CDK6: variants seen among roughly 807,000 people sequenced by gnomAD.
The protein encoded by CDK6 is cyclin-dependent kinase 6.
Under a neutral mutation model 37.1 loss-of-function variants are expected in CDK6, and 6 were observed. The observed-to-expected ratio is 0.16, with a 90% CI of 0.09 to 0.32. The LOEUF (loss-of-function observed/expected upper bound fraction) is 0.32, where lower values mean the gene tolerates loss of function less well. CDK6 is among the 10% of genes least tolerant of loss of function. The probability of loss-of-function intolerance (pLI) is 1.00; values close to 1 mark genes in which losing one functional copy is unlikely to be tolerated. For synonymous variants in CDK6, 160 were observed against 161.3 expected (o/e 0.99, Z 0.06); for missense variants, 224 against 418.9 (o/e 0.53, Z 4.06).
intron 6 of CDK6, 24 bp from the exon 7 acceptor site, chr7:92,618,231 A>G (rs1322415028): frequency 2.5e-6 from 4 of 1,612,712 alleles, no homozygotes; most frequent in African/African-American, 2.7e-5. Context: ...ACACATGGAC[A>G]TAAGCATTAG....
At chr7:92,823,501 G>C (rs1801230242) in intron 2 of CDK6, among the ~76,000 whole-genome samples, 2 of 147,246 alleles carry the variant, frequency 1.4e-5, no homozygotes, top group Non-Finnish European at 3.0e-5. Context: ...GTTCTCCCAG[G>C]TCAAGGGAAC....
intron 5 of CDK6, among the ~76,000 whole-genome samples, chr7:92,664,257 G>A (rs1371022179): frequency 6.6e-6 from 1 of 152,040 alleles, no homozygotes; most frequent in Non-Finnish European, 1.5e-5. Flanking sequence ...AAATCTGAAA[G>A]TCTAAAGTGC....
At chr7:92,684,260 GTCTTT>G (rs1797400666) in intron 4 of CDK6, among the ~76,000 whole-genome samples, 1 of 152,122 alleles carries the variant, frequency 6.6e-6, no homozygotes, top group Non-Finnish European at 1.5e-5. Flanking sequence ...ATGACCTCAG[GTCTTT>G]TCTTTTTTGG....
At chr7:92,616,613 C>T (rs42040) in intron 7 of CDK6, among the ~76,000 whole-genome samples, 28,809 of 152,134 alleles carry the variant, frequency 0.19, 3,214 homozygotes, top group Middle Eastern at 0.28. Flanking sequence ...GGGCAAAATT[C>T]CTGAGCCTGA....
At chr7:92,786,653 ATAT>A (rs1800141076) in intron 2 of CDK6, among the ~76,000 whole-genome samples, 1 of 148,834 alleles carries the variant, frequency 6.7e-6, no homozygotes, top group Admixed American at 6.7e-5. Flanking sequence ...ATATATATAT[ATAT>A]AAATAATCTG....
intron 6 of CDK6, among the ~76,000 whole-genome samples, chr7:92,621,480 GA>G (rs1432301946): frequency 1.3e-5 from 2 of 152,212 alleles, no homozygotes; most frequent in African/African-American, 2.4e-5. Flanking sequence ...ATCAGTGCTG[GA>G]GGTAGACACA....
intron 5 of CDK6, among the ~76,000 whole-genome samples, chr7:92,634,863 T>C (rs1044898724): frequency 6.6e-6 from 1 of 152,170 alleles, no homozygotes; most frequent in East Asian, 1.9e-4. Context: ...TGATCCTGAC[T>C]GTTCTCCTAA....
chr7:92,721,888 C>T (rs1433478950), intron 4 of CDK6, among the ~76,000 whole-genome samples: 1 of 152,146 alleles, frequency 6.6e-6, no homozygotes, highest in Non-Finnish European at 1.5e-5. Context: ...AAGGGTTATA[C>T]CTTAAGATGC....
chr7:92,805,550 T>C (rs1472370014), intron 2 of CDK6, among the ~76,000 whole-genome samples: 1 of 152,116 alleles, frequency 6.6e-6, no homozygotes, highest in Non-Finnish European at 1.5e-5. Flanking sequence ...TGATGTGCTA[T>C]AGTTGAAATT....
At chr7:92,619,374 GGAT>G (rs1406845914) in intron 6 of CDK6, among the ~76,000 whole-genome samples, 3 of 152,068 alleles carry the variant, frequency 2.0e-5, no homozygotes, top group African/African-American at 7.2e-5. Flanking sequence ...GAAAATCAGA[GGAT>G]GCAGGGACTT....
intron 2 of CDK6, among the ~76,000 whole-genome samples, chr7:92,780,482 T>C (rs765532584): frequency 3.3e-5 from 5 of 150,894 alleles, no homozygotes; most frequent in Non-Finnish European, 5.9e-5. Flanking sequence ...GAAAATAGGC[T>C]GGGCGCGGTG....
At chr7:92,733,157 C>T (rs1798693194) in intron 3 of CDK6, among the ~76,000 whole-genome samples, 1 of 152,136 alleles carries the variant, frequency 6.6e-6, no homozygotes, top group Non-Finnish European at 1.5e-5. Flanking sequence ...AGGTACAGAC[C>T]CAATGGGGCC....
rs3731304 is a variant in CDK6 at position 92,774,346 on chromosome 7, C to A, written c.369+350G>T. Among the ~76,000 whole-genome samples, 914 of 152,224 alleles carry A rather than the reference C, an allele frequency of 6.0e-3. 7 individuals are homozygous for A. Among genetic ancestry groups the A allele is most frequent in the African/African-American group, 0.021 (856 of 41,540 alleles). On this transcript the variant is annotated intron_variant, in intron 3 of 7. Coordinates refer to ENST00000424848, the MANE Select transcript of CDK6 (RefSeq NM_001145306.2). ...AATTATGTCTCTCATAGACAATAAA[C>A]CATCAGAAGAAGACTGAGCTATACT...
intron 2 of CDK6, among the ~76,000 whole-genome samples, chr7:92,794,996 T>C (rs1445804755): frequency 1.3e-5 from 2 of 152,174 alleles, no homozygotes; most frequent in African/African-American, 4.8e-5. Context: ...ACTGGACTGC[T>C]TCCCATGGGA....
Position 92,611,438 on chromosome 7 carries a change from G to C in CDK6, c.*3702C>G, listed in dbSNP as rs553410556. On this transcript the variant is annotated 3_prime_UTR_variant, in exon 8 of 8. Transcript: ENST00000424848. ...CTCTCATGTGCTTATCATAAGAATA[G>C]TCAAATTGTCACTTAAAAGAAAAGC... 4.4e-6 allele frequency: 1 copy of C among 226,636 alleles called. No individual in the cohort carries two copies. Among genetic ancestry groups the C allele is most frequent in the Admixed American group, 5.7e-5 (1 of 17,596 alleles). 14.0% of individuals were successfully genotyped at this position (226,636 alleles called of 1,614,324 possible).
At chr7:92,678,359 A>C (rs547202716) in intron 4 of CDK6, among the ~76,000 whole-genome samples, 14 of 152,188 alleles carry the variant, frequency 9.2e-5, no homozygotes, top group Admixed American at 2.6e-4. Context: ...AGCAAATACC[A>C]TGTTTATTAC....
intron 2 of CDK6, among the ~76,000 whole-genome samples, chr7:92,805,688 A>G (rs369904772): frequency 7.9e-5 from 12 of 152,310 alleles, no homozygotes; most frequent in African/African-American, 2.9e-4. Flanking sequence ...GAACTATCCT[A>G]AAGCACTCCA....
chr7:92,833,496 G>C lies in CDK6; in HGVS notation c.-173C>G. 1.8e-6 allele frequency: 1 copy of C among 568,276 alleles called. No individual in the cohort carries two copies. The highest frequency in any genetic ancestry group is 3.0e-6 in the Non-Finnish European group (1 of 327,898). The allele number at this position is 568,276 out of a possible 1,614,324, so 35.2% of individuals were successfully genotyped here. The stretch of plus-strand genomic sequence containing the variant: ...GGGGCTTTCGCCGCTGCAGAAGCTG[G>C]ATGGAGAGACCTCCCCGCGGGGCTG... On this transcript the variant is annotated 5_prime_UTR_variant, in exon 2 of 8. The change creates a new upstream start codon in the 5' untranslated region. Transcript: ENST00000424848. The surrounding 1 kb of genome is among the most constrained non-coding windows in gnomAD (Gnocchi z 6.1).
intron 2 of CDK6, among the ~76,000 whole-genome samples, chr7:92,822,960 T>C (rs547817064): frequency 6.6e-6 from 1 of 152,140 alleles, no homozygotes; most frequent in South Asian, 2.1e-4. Flanking sequence ...ATTGCTACCT[T>C]AACTTAGCTT....
Sources: gnomAD v4.1 joint callset for allele counts (sites outside exome capture counted in the v4.1 genomes callset) on GRCh38, gnomAD v4.1.1 for gene constraint, Gnocchi (gnomAD v3.1) non-coding constraint, MANE v1.5 for transcripts, NCBI Gene and HGNC (gene_info 2026-07-23, HGNC 2026-07-21) for gene names.